Variants in STARD13 observed in about 807,000 individuals in gnomAD.
The protein encoded by STARD13 is stAR-related lipid transfer protein 13.
A neutral mutation model predicts 106.4 loss-of-function variants in STARD13; 62 were observed. The ratio of observed to expected loss-of-function variants is 0.58; its 90% CI spans 0.48 to 0.72. STARD13 has a LOEUF of 0.72. Ranked by LOEUF, STARD13 falls within the 30% of genes least tolerant of loss-of-function variation. STARD13 has a pLI of 0.00. For synonymous variants in STARD13, 565 were observed against 553.0 expected (o/e 1.02, Z -0.31); for missense variants, 1,387 against 1,424.0 (o/e 0.97, Z 0.42).
the STARD13 span, among the ~76,000 whole-genome samples, chr13:33,499,582 CTTCTTCTTCTTCTTCTTCTTCT>C: frequency 1.0e-4 from 7 of 69,742 alleles, no homozygotes; most frequent in African/African-American, 2.7e-4. Context: ...TCTTCTTCTT[CTTCTTCTTCTTCTTCTTCTTCT>C]TTCTTCTTCT....
the STARD13 span, among the ~76,000 whole-genome samples, chr13:33,624,962 C>T: frequency 2.5e-3 from 377 of 152,318 alleles, 2 homozygotes; most frequent in African/African-American, 7.8e-3. Flanking sequence ...AGAATCTGTA[C>T]AAGGAAGATG....
At chr13:33,410,369 G>A in the STARD13 span, among the ~76,000 whole-genome samples, 2 of 152,236 alleles carry the variant, frequency 1.3e-5, no homozygotes, top group African/African-American at 2.4e-5. Context: ...GAGCAAAGAG[G>A]TTAATAGTAT....
chr13:33,617,216 T>A, the STARD13 span, among the ~76,000 whole-genome samples: 2 of 152,212 alleles, frequency 1.3e-5, no homozygotes, highest in African/African-American at 4.8e-5. Context: ...GCTGACTCAA[T>A]AACACTATAA....
chr13:33,618,652 A>G, the STARD13 span, among the ~76,000 whole-genome samples: 2 of 152,048 alleles, frequency 1.3e-5, no homozygotes, highest in Admixed American at 6.6e-5. Context: ...TCTCTGGCAT[A>G]TCATAAAACT....
chr13:33,235,632 T>C (rs1333167850), intron 1 of STARD13, among the ~76,000 whole-genome samples: 1 of 152,232 alleles, frequency 6.6e-6, no homozygotes, highest in East Asian at 1.9e-4. Flanking sequence ...CAGAAAAGTC[T>C]GGTAGCCCTG....
At chr13:33,326,274 G>A (rs2077774938) in intron 1 of STARD13, among the ~76,000 whole-genome samples, 1 of 152,138 alleles carries the variant, frequency 6.6e-6, no homozygotes, top group Admixed American at 6.5e-5. Context: ...AAGCCCTAAA[G>A]AGATTTATCA....
the STARD13 span, among the ~76,000 whole-genome samples, chr13:33,659,089 T>C: frequency 1.3e-4 from 20 of 152,198 alleles, no homozygotes; most frequent in East Asian, 3.9e-3. Context: ...TCCTTTGTAA[T>C]AAACTGGTAA....
the STARD13 span, among the ~76,000 whole-genome samples, chr13:33,606,287 G>A: frequency 1.3e-5 from 2 of 151,762 alleles, no homozygotes; most frequent in Non-Finnish European, 2.9e-5. Context: ...GGCAACAAGA[G>A]CAAAACTCCA....
chr13:33,138,902 G>C (rs372396730), intron 4 of STARD13: 2 of 464,652 alleles, frequency 4.3e-6, no homozygotes, highest in East Asian at 6.4e-5. Flanking sequence ...GGAGGGTAGC[G>C]GTGTTGTCAT....
intron 1 of STARD13, among the ~76,000 whole-genome samples, chr13:33,244,894 G>T (rs776974553): frequency 1.4e-4 from 21 of 152,274 alleles, no homozygotes; most frequent in Non-Finnish European, 2.5e-4. Flanking sequence ...GTTGTTTTCA[G>T]CCATTAAATT....
chr13:33,658,949 T>C, the STARD13 span, among the ~76,000 whole-genome samples: 1 of 152,110 alleles, frequency 6.6e-6, no homozygotes. Context: ...GGGGACAGGG[T>C]TTGGAGAGCC....
intron 1 of STARD13, chr13:33,279,696 A>C (rs1340867778): frequency 6.6e-6 from 1 of 152,182 alleles, no homozygotes; most frequent in Non-Finnish European, 1.5e-5. Flanking sequence ...TTGAACCTAC[A>C]ATTTGGTTAA....
the STARD13 span, among the ~76,000 whole-genome samples, chr13:33,542,440 A>C: frequency 6.6e-6 from 1 of 152,380 alleles, no homozygotes; most frequent in Middle Eastern, 3.4e-3. Context: ...GATTTAAAAC[A>C]AAACCCATTA....
chr13:33,651,212 A>C, the STARD13 span, among the ~76,000 whole-genome samples: 2 of 152,240 alleles, frequency 1.3e-5, no homozygotes, highest in Non-Finnish European at 2.9e-5. Flanking sequence ...CTTAATAAAA[A>C]ATCATGATTT....
intron 1 of STARD13, among the ~76,000 whole-genome samples, chr13:33,168,824 A>G (rs1229009045): frequency 6.6e-6 from 1 of 152,216 alleles, no homozygotes; most frequent in Admixed American, 6.5e-5. Context: ...TATTTGGTAT[A>G]TGTTAGGAAA....
chr13:33,438,117 G>T, the STARD13 span, among the ~76,000 whole-genome samples: 1 of 152,232 alleles, frequency 6.6e-6, no homozygotes, highest in Non-Finnish European at 1.5e-5. Context: ...TTTCTTGATT[G>T]TAACTTTTAC....
At chr13:33,211,250 A>T (rs1887698629) in intron 1 of STARD13, among the ~76,000 whole-genome samples, 1 of 151,420 alleles carries the variant, frequency 6.6e-6, no homozygotes, top group Non-Finnish European at 1.5e-5. Context: ...AATATTATTT[A>T]AAATATCTTT....
At chr13:33,247,033 G>A (rs1439647068) in intron 1 of STARD13, among the ~76,000 whole-genome samples, 2 of 151,778 alleles carry the variant, frequency 1.3e-5, no homozygotes, top group Admixed American at 1.3e-4. Context: ...CCCGTCTCTA[G>A]TAAAAATACA....
chr13:33,499,515 T>TTC, the STARD13 span, among the ~76,000 whole-genome samples: 5,545 of 101,982 alleles, frequency 0.054, 473 homozygotes, highest in Non-Finnish European at 0.073. Flanking sequence ...CTTCTTCTTC[T>TTC]TTCTTTCTTC....
Sources: gnomAD v4.1 joint callset for allele counts (sites outside exome capture counted in the v4.1 genomes callset) on GRCh38, gnomAD v4.1.1 for gene constraint, MANE v1.5 for transcripts, NCBI Gene and HGNC (gene_info 2026-07-23, HGNC 2026-07-21) for gene names.